The following PSD3 variants were observed in gnomAD, a reference collection of about 807,000 sequenced individuals.
PSD3 encodes the protein PH and SEC7 domain-containing protein 3.
PSD3 carries 49 observed loss-of-function variants against 105.5 expected under a neutral mutation model. The ratio of observed to expected loss-of-function variants is 0.46; its 90% CI spans 0.37 to 0.59. PSD3 has a LOEUF of 0.59. PSD3 is among the 20% of genes least tolerant of loss of function. The pLI, the probability that PSD3 is intolerant of heterozygous loss-of-function variation, is 0.00. For missense variants in PSD3, 1,561 were observed against 1,263.8 expected, an observed-to-expected ratio of 1.24 and a Z score of -3.57; for synonymous variants, 557 against 457.8, an observed-to-expected ratio of 1.22 and a Z score of -2.77.
intron 1 of PSD3, among the ~76,000 whole-genome samples, chr8:18,945,952 G>GA: frequency 6.6e-6 from 1 of 152,072 alleles, no homozygotes; most frequent in East Asian, 1.9e-4. Flanking sequence ...CAGCCTGGGC[G>GA]AAAGAGTGAG....
At chr8:18,616,856 C>A (rs969927479) in intron 11 of PSD3, among the ~76,000 whole-genome samples, 1 of 151,866 alleles carries the variant, frequency 6.6e-6, no homozygotes, top group South Asian at 2.1e-4. Context: ...ATCTCGTGAC[C>A]TCGTGATCCG....
At chr8:18,752,969 GT>G (rs1465957173) in intron 9 of PSD3, among the ~76,000 whole-genome samples, 3 of 151,788 alleles carry the variant, frequency 2.0e-5, no homozygotes, top group Non-Finnish European at 4.4e-5. Context: ...ACTTCCCTCT[GT>G]GATCTTTTAC....
intron 2 of PSD3, among the ~76,000 whole-genome samples, chr8:18,897,461 G>C (rs1304284819): frequency 6.6e-6 from 1 of 152,186 alleles, no homozygotes; most frequent in African/African-American, 2.4e-5. Context: ...CTCAAGCTTT[G>C]TTCTTCTTGC....
chr8:18,708,404 C>T (rs901728), intron 9 of PSD3, among the ~76,000 whole-genome samples: 152,167 of 152,204 alleles, frequency 1, 76,065 homozygotes, highest in Non-Finnish European at 1. Context: ...GAATATAGCA[C>T]CTCATGGCAG....
chr8:18,747,023 C>T (rs2129436445), intron 9 of PSD3, among the ~76,000 whole-genome samples: 1 of 152,340 alleles, frequency 6.6e-6, no homozygotes, highest in Admixed American at 6.5e-5. Flanking sequence ...TGCATAGCCT[C>T]AGTTTTTAAA....
chr8:19,038,252 C>T lies in PSD3; in HGVS notation c.324+45954G>A, dbSNP rs1203801905. Among the ~76,000 whole-genome samples the T allele has an allele frequency of 2.6e-5, 4 of 152,150 alleles. No individual in the cohort carries two copies. The South Asian group carries it at 6.2e-4, about 24-fold the overall frequency. On this transcript the variant is annotated intron_variant, in intron 1 of 1. Transcript: ENST00000521475. The stretch of plus-strand genomic sequence containing the variant: ...TGTCTCTTTATCAAACTTTCCAGAG[C>T]TCCTCTCATCCCCATAATCTGTTTT...
intron 4 of PSD3, among the ~76,000 whole-genome samples, chr8:18,838,551 C>T (rs561335626): frequency 1.3e-5 from 2 of 152,154 alleles, no homozygotes; most frequent in East Asian, 3.9e-4. Flanking sequence ...CCTGTAATCC[C>T]AGCACTTTGG....
At chr8:18,836,579 C>T (rs538725583) in intron 4 of PSD3, among the ~76,000 whole-genome samples, 3 of 152,180 alleles carry the variant, frequency 2.0e-5, no homozygotes, top group East Asian at 3.9e-4. Context: ...ACATTTGTCC[C>T]GCCATATCCA....
intron 1 of PSD3, among the ~76,000 whole-genome samples, chr8:19,064,824 G>A (rs775603838): frequency 2.6e-5 from 4 of 152,156 alleles, no homozygotes; most frequent in Non-Finnish European, 4.4e-5. Context: ...ACAAGAACTT[G>A]CTAGAATCAA....
At chr8:18,790,300 CTTTTCT>C (rs1809579032) in intron 8 of PSD3, among the ~76,000 whole-genome samples, 1 of 144,458 alleles carries the variant, frequency 6.9e-6, no homozygotes, top group African/African-American at 2.6e-5. Context: ...TTTCTTTTTT[CTTTTCT>C]TTTTTTTTTT....
At chr8:18,930,633 G>A (rs913151531) in intron 2 of PSD3, among the ~76,000 whole-genome samples, 3 of 149,168 alleles carry the variant, frequency 2.0e-5, no homozygotes, top group South Asian at 2.1e-4. Flanking sequence ...ACAGTGGTGC[G>A]ATCTCAGCTC....
intron 14 of PSD3, among the ~76,000 whole-genome samples, chr8:18,556,701 A>G (rs2130150309): frequency 6.6e-6 from 1 of 152,312 alleles, no homozygotes; most frequent in Non-Finnish European, 1.5e-5. Flanking sequence ...GCTAGCATGG[A>G]AGCTGCACAC....
At chr8:18,660,679 G>A (rs772402410) in intron 9 of PSD3, among the ~76,000 whole-genome samples, 1 of 152,156 alleles carries the variant, frequency 6.6e-6, no homozygotes, top group Non-Finnish European at 1.5e-5. Context: ...CTCCTTGGAC[G>A]AGGAAACTGC....
chr8:18,917,498 C>G (rs897675641), intron 2 of PSD3, among the ~76,000 whole-genome samples: 1 of 152,088 alleles, frequency 6.6e-6, no homozygotes, highest in Admixed American at 6.5e-5. Context: ...TCTTGGAAAC[C>G]AAGACTTTAA....
At chr8:18,700,789 G>A (rs1221399449) in intron 9 of PSD3, among the ~76,000 whole-genome samples, 2 of 151,984 alleles carry the variant, frequency 1.3e-5, no homozygotes, top group Admixed American at 6.6e-5. Flanking sequence ...GAGTAGAAAG[G>A]ATGCAGGACT....
At chr8:18,959,315 C>T (rs1356729708) in intron 1 of PSD3, among the ~76,000 whole-genome samples, 3 of 152,236 alleles carry the variant, frequency 2.0e-5, no homozygotes, top group East Asian at 1.9e-4. Context: ...CCCTTCCGAA[C>T]ATCCAAAGCC....
chr8:19,078,885 G>A (rs369518120), intron 1 of PSD3, among the ~76,000 whole-genome samples: 2 of 151,716 alleles, frequency 1.3e-5, no homozygotes, highest in African/African-American at 4.8e-5. Flanking sequence ...GAAGACTGAA[G>A]AATGGGCAAG....
rs182041101 is a variant in PSD3 at position 18,853,935 on chromosome 8, T to G, written c.1634+13739A>C. Reference sequence around the variant, plus strand: ...TTCATTTGTCATCCTTATTTAGAAATTAACATATGATCATTTTCCTAAGTC... The same window carrying G: ...TTCATTTGTCATCCTTATTTAGAAAGTAACATATGATCATTTTCCTAAGTC... On this transcript the variant is annotated intron_variant, in intron 4 of 15. Coordinates refer to ENST00000327040, the MANE Select transcript of PSD3 (RefSeq NM_015310.4). Among the ~76,000 whole-genome samples, 165 of 152,262 alleles carry G rather than the reference T, an allele frequency of 1.1e-3. 2 individuals are homozygous for G. The highest frequency in any genetic ancestry group is 3.8e-3 in the African/African-American group (158 of 41,548).
intron 4 of PSD3, among the ~76,000 whole-genome samples, chr8:18,814,770 CACTT>C (rs565643421): frequency 2.0e-4 from 30 of 152,270 alleles, no homozygotes; most frequent in East Asian, 3.9e-4. Flanking sequence ...AAGAGTGACT[CACTT>C]ACAGTCTGAC....
Sources: allele counts gnomAD v4.1 joint callset (sites outside exome capture counted in the v4.1 genomes callset), GRCh38; gene constraint gnomAD v4.1.1; transcripts MANE v1.5; gene names NCBI Gene and HGNC (gene_info 2026-07-23, HGNC 2026-07-21).